Variants in CAMTA1 observed in about 807,000 individuals in gnomAD.
CAMTA1 encodes the protein calmodulin binding transcription activator 1.
A neutral mutation model predicts 170.9 loss-of-function variants in CAMTA1; 27 were observed. The ratio of observed to expected loss-of-function variants is 0.16; its 90% CI spans 0.12 to 0.22. The LOEUF is 0.22. Among genes scored for constraint, CAMTA1 ranks in the 10% least tolerant of loss-of-function variants. The pLI is 1.00. For missense variants in CAMTA1, 1,619 were observed against 2,217.2 expected, an observed-to-expected ratio of 0.73 and a Z score of 5.42; for synonymous variants, 833 against 891.5, an observed-to-expected ratio of 0.93 and a Z score of 1.17.
intron 5 of CAMTA1, among the ~76,000 whole-genome samples, chr1:7,264,167 T>C (rs1021275611): frequency 1.6e-4 from 25 of 152,168 alleles, no homozygotes; most frequent in African/African-American, 6.0e-4. Flanking sequence ...CCTCAAACTT[T>C]CATGTGCAGA....
chr1:6,905,730 T>C (rs778623315), intron 3 of CAMTA1, among the ~76,000 whole-genome samples: 2 of 152,210 alleles, frequency 1.3e-5, no homozygotes, highest in Non-Finnish European at 1.5e-5. Flanking sequence ...TTGTCTCTTA[T>C]TAATAGTTCA....
rs1296070265 is a variant in CAMTA1, at chr1:7,642,946, C to T, written c.664+2393C>T. ...TGGGAGGTGGAGTCACTCCAGAGGG[C>T]TCAGCTTGGTCCTGCAGAAGCTGCC... On this transcript the variant is annotated intron_variant, in intron 7 of 22. Coordinates refer to ENST00000303635, the MANE Select transcript of CAMTA1 (RefSeq NM_015215.4). This position sits in a 1 kb window ranked among gnomAD's most constrained non-coding sequence, Gnocchi z 6.3. Among the ~76,000 whole-genome samples the T allele has an allele frequency of 1.3e-5, 2 of 152,108 alleles. No individual in the cohort carries two copies. The highest frequency in any genetic ancestry group is 2.9e-5 in the Non-Finnish European group (2 of 68,046).
intron 6 of CAMTA1, among the ~76,000 whole-genome samples, chr1:7,619,627 C>A (rs2150753239): frequency 6.6e-6 from 1 of 152,026 alleles, no homozygotes; most frequent in South Asian, 2.1e-4. Context: ...CAAACACACA[C>A]AATGACAAAA....
intron 6 of CAMTA1, among the ~76,000 whole-genome samples, chr1:7,608,977 G>C (rs2095505155): frequency 6.6e-6 from 1 of 152,120 alleles, no homozygotes; most frequent in Non-Finnish European, 1.5e-5. Flanking sequence ...CTAAGCAGAA[G>C]TGAGGGCAGG....
intron 4 of CAMTA1, among the ~76,000 whole-genome samples, chr1:7,212,061 A>C (rs1394577111): frequency 5.9e-5 from 9 of 152,302 alleles, no homozygotes; most frequent in Admixed American, 1.3e-4. Context: ...AACCTATACC[A>C]CTGAAGAAAG....
intron 9 of CAMTA1, among the ~76,000 whole-genome samples, chr1:7,668,434 C>CT (rs2096022888): frequency 9.7e-6 from 1 of 103,252 alleles, no homozygotes; most frequent in East Asian, 3.6e-4. Context: ...CACACACACC[C>CT]ACCACACACC....
intron 6 of CAMTA1, among the ~76,000 whole-genome samples, chr1:7,614,289 T>C (rs1302667507): frequency 6.6e-6 from 1 of 152,014 alleles, no homozygotes; most frequent in African/African-American, 2.4e-5. Flanking sequence ...GTCCATCCCC[T>C]CCCTTGTTGG....
intron 4 of CAMTA1, among the ~76,000 whole-genome samples, chr1:7,230,444 CG>C (rs58243225): frequency 0.033 from 2,444 of 74,340 alleles, 250 homozygotes; most frequent in Admixed American, 0.061. Flanking sequence ...CCCCCCCCCC[CG>C]CCCCGCAAAG....
chr1:7,681,665 G>A lies in CAMTA1; in HGVS notation c.2914+3932G>A, dbSNP rs2096206894. On this transcript the variant is annotated intron_variant, in intron 11 of 22. Coordinates refer to ENST00000303635, the MANE Select transcript of CAMTA1 (RefSeq NM_015215.4). This position sits in a 1 kb window ranked among gnomAD's most constrained non-coding sequence, Gnocchi z 4.6. ...TGGAGACCCACTGGGGAGGATCTCT[G>A]GGAAATGTCACTTATACCTGTGATA... is the stretch of plus-strand genomic sequence containing the variant. Among the ~76,000 whole-genome samples the A allele has an allele frequency of 6.6e-6, 1 of 152,224 alleles. No individual in the cohort carries two copies. Among genetic ancestry groups the A allele is most frequent in the Admixed American group, 6.5e-5 (1 of 15,288 alleles).
chr1:7,045,865 G>C (rs989660650), intron 3 of CAMTA1, among the ~76,000 whole-genome samples: 1 of 152,190 alleles, frequency 6.6e-6, no homozygotes, highest in Non-Finnish European at 1.5e-5. Flanking sequence ...CAGAGGCCTC[G>C]AATGTGCCCG....
intron 5 of CAMTA1, among the ~76,000 whole-genome samples, chr1:7,446,394 A>G (rs2092681756): frequency 2.0e-5 from 3 of 152,128 alleles, no homozygotes; most frequent in Non-Finnish European, 2.9e-5. Flanking sequence ...TTGATCACAA[A>G]AGCTGCTTGG....
At chr1:7,622,908 G>A (rs1264682093) in intron 6 of CAMTA1, among the ~76,000 whole-genome samples, 2 of 152,216 alleles carry the variant, frequency 1.3e-5, no homozygotes, top group Admixed American at 6.5e-5. Context: ...TTTCACGGCT[G>A]TTTTCCTGAA....
At chr1:6,856,856 A>T (rs1442879611) in intron 3 of CAMTA1, among the ~76,000 whole-genome samples, 1 of 151,888 alleles carries the variant, frequency 6.6e-6, no homozygotes, top group African/African-American at 2.4e-5. Flanking sequence ...GATGGAGGGG[A>T]GGCTTGCGGG....
Position 7,755,686 on chromosome 1 carries a change from C to G in CAMTA1, c.4989+18C>G, listed in dbSNP as rs2096926851. The G allele has an allele frequency of 6.2e-7, 1 of 1,612,432 alleles. No individual in the cohort carries two copies. The highest frequency in any genetic ancestry group is 1.3e-5 in the African/African-American group (1 of 74,888). On this transcript the variant is annotated intron_variant, in intron 22 of 22. Transcript: ENST00000303635. The stretch of plus-strand genomic sequence containing the variant: ...ACAAAAGGGTGAGTTTAGCTGCCTG[C>G]TAGCCAGTTTCTCTTCTCTTCCATT...
chr1:7,441,125 T>G (rs992791408), intron 5 of CAMTA1: 1 of 152,206 alleles, frequency 6.6e-6, no homozygotes, highest in Non-Finnish European at 1.5e-5. Context: ...CAGCTGAGAT[T>G]TTTCCTTGTG....
intron 3 of CAMTA1, among the ~76,000 whole-genome samples, chr1:7,006,830 C>G (rs553149147): frequency 1.2e-4 from 18 of 152,262 alleles, no homozygotes; most frequent in African/African-American, 3.9e-4. Flanking sequence ...TGATTTCCCC[C>G]TTAACCTCTT....
intron 5 of CAMTA1, among the ~76,000 whole-genome samples, chr1:7,354,418 G>T (rs1177922087): frequency 2.0e-5 from 3 of 152,230 alleles, no homozygotes; most frequent in South Asian, 2.1e-4. Context: ...CAAAGTGCTG[G>T]GATTACAGGC....
Position 7,665,084 on chromosome 1 carries a change from T to C in CAMTA1, c.2537T>C (p.Met846Thr). 2 of 1,551,810 alleles carry C rather than the reference T, an allele frequency of 1.3e-6. No homozygotes were observed. Among genetic ancestry groups the C allele is most frequent in the Non-Finnish European group, 1.7e-6 (2 of 1,149,172 alleles). The change falls in exon 9 of 23, where the codon ATG becomes ACG. Residue 846 changes from methionine to threonine, a missense_variant. Met to Thr is a moderately conservative substitution (Grantham distance 81, BLOSUM62 -1). Transcript: ENST00000303635. The surrounding 1 kb of genome is among the most constrained non-coding windows in gnomAD (Gnocchi z 4.3). ...GGCGGGGCCAGCACCATGGCCTACATGCACGTCGCCGAGGTGGTCTCGGCC... is the reference window on the plus strand; with the variant it reads ...GGCGGGGCCAGCACCATGGCCTACACGCACGTCGCCGAGGTGGTCTCGGCC... ...SEGGASTMAY[M>T]HVAEVVSAAS...
intron 3 of CAMTA1, among the ~76,000 whole-genome samples, chr1:6,890,130 T>A (rs1237911953): frequency 6.6e-6 from 1 of 152,206 alleles, no homozygotes. Context: ...TTCCGGAGGC[T>A]CTGCTGAAGA....
Sources: gnomAD v4.1 joint callset for allele counts (sites outside exome capture counted in the v4.1 genomes callset) on GRCh38, gnomAD v4.1.1 for gene constraint, Gnocchi (gnomAD v3.1) non-coding constraint, MANE v1.5 for transcripts, NCBI Gene and HGNC (gene_info 2026-07-23, HGNC 2026-07-21) for gene names.